Variants in FOLR1 observed in about 807,000 individuals in gnomAD.
FOLR1 encodes KB cells FBP.
A neutral mutation model predicts 22.8 loss-of-function variants in FOLR1; 11 were observed. The ratio of observed to expected loss-of-function variants is 0.48; its 90% CI spans 0.30 to 0.80. FOLR1 has a LOEUF of 0.80. Ranked by LOEUF, FOLR1 falls within the 30% of genes least tolerant of loss-of-function variation. The probability of loss-of-function intolerance (pLI) is 0.06; values close to 1 mark genes in which losing one functional copy is unlikely to be tolerated. For missense variants in FOLR1, 273 were observed against 320.3 expected (o/e 0.85, Z 1.13); for synonymous variants, 108 against 116.5 (o/e 0.93, Z 0.47).
At position 72,195,748 on chromosome 11, in the gene FOLR1, G is replaced by A; in HGVS notation, c.493+1G>A. 6.2e-7 allele frequency: 1 copy of A among 1,614,228 alleles called. No homozygotes were observed. Among genetic ancestry groups the A allele is most frequent in the Non-Finnish European group, 8.5e-7 (1 of 1,180,036 alleles). On this transcript the variant is annotated splice_donor_variant, in intron 3 of 3. Coordinates refer to ENST00000393676, the MANE Select transcript of FOLR1 (RefSeq NM_016729.3). LOFTEE classifies it high-confidence loss of function. ...CACAAGGGCTGGAACTGGACTTCAG[G>A]TGAGGGCTGGGGTGGGCAGGAATGG...
rs1479805229 is a variant in FOLR1 at position 72,196,131 on chromosome 11, C to T, written c.728C>T (p.Pro243Leu). Residue 243 changes from proline (P) to leucine (L), a missense_variant, in exon 4 of 4, where the codon CCT becomes CTT. Transcript: ENST00000393676. ...MSGAGPWAAW[P>L]FLLSLALMLL... ...GGGGCTGGGCCCTGGGCAGCCTGGC[C>T]TTTCCTGCTTAGCCTGGCCCTAATG... 4 of 1,614,206 alleles carry T rather than the reference C, an allele frequency of 2.5e-6. No homozygotes were observed. Among genetic ancestry groups the T allele is most frequent in the Non-Finnish European group, 3.4e-6 (4 of 1,180,040 alleles).
At chr11:72,191,966 A>G, upstream of FOLR1, 1 of 586,580 alleles carries the variant, frequency 1.7e-6, no homozygotes, top group Non-Finnish European at 3.0e-6. Context: ...GACCACCTGG[A>G]GAAGGCAATG....
intron 1 of FOLR1, among the ~76,000 whole-genome samples, chr11:72,194,003 C>T (rs1293316243): frequency 2.0e-5 from 3 of 151,832 alleles, no homozygotes; most frequent in Non-Finnish European, 4.4e-5. Flanking sequence ...AGGCTGGTCT[C>T]CATTCTTGAC....
chr11:72,191,791 A>G (rs533625128), upstream of FOLR1, among the ~76,000 whole-genome samples: 2 of 152,368 alleles, frequency 1.3e-5, no homozygotes, highest in African/African-American at 4.8e-5. Flanking sequence ...ACACTTGATT[A>G]TTGGGTATAT....
chr11:72,190,011 G>A (rs1591242236), upstream of FOLR1, among the ~76,000 whole-genome samples: 3 of 151,928 alleles, frequency 2.0e-5, no homozygotes, highest in East Asian at 5.8e-4. Context: ...TTCTAGTCTG[G>A]GGCCCCAAGG....
chr11:72,195,530 C>T (rs1948217538), intron 2 of FOLR1, 71 bp downstream of exon 2: 5 of 1,612,452 alleles, frequency 3.1e-6, no homozygotes, highest in Non-Finnish European at 1.7e-6. Context: ...CTGCAGGCTG[C>T]AACCCCAGCT....
At chr11:72,195,846 C>G (rs1432251715) in intron 3 of FOLR1, 51 bp from the exon 4 acceptor site, 5 of 1,613,948 alleles carry the variant, frequency 3.1e-6, no homozygotes, top group Non-Finnish European at 4.2e-6. Context: ...GCTGGCAGAC[C>G]TCAAGATAGT....
chr11:72,195,826 G>A, intron 3 of FOLR1, 71 bp from the exon 4 acceptor site: 1 of 1,614,052 alleles, frequency 6.2e-7, no homozygotes, highest in Non-Finnish European at 8.5e-7. Context: ...TGACAATTTG[G>A]AGTTGTAGGG....
rs1425884641 is a variant in FOLR1 at position 72,192,375 on chromosome 11, C to T, written c.168+34C>T. The T allele has an allele frequency of 1.9e-6, 3 of 1,611,866 alleles. No homozygotes were observed. In the Admixed American group the frequency reaches 5.0e-5, roughly 27 times the overall value. ...GGGGGTGATCTGGGGTGGTGAGGGA[C>T]TGGCTCAGGAAGAGGAAACGAGGAC... On this transcript the variant is annotated intron_variant, in intron 1 of 3. Coordinates refer to ENST00000393676, the MANE Select transcript of FOLR1 (RefSeq NM_016729.3).
At chr11:72,192,485 C>A in intron 1 of FOLR1, 144 bp downstream of exon 1, 1 of 797,468 alleles carries the variant, frequency 1.3e-6, no homozygotes, top group South Asian at 1.7e-5. Context: ...ATTTCACAGA[C>A]ACTGTGCCAA....
At position 72,195,399 on chromosome 11, in the gene FOLR1, T is replaced by C. The variant is rs1268187037; in HGVS notation, c.297T>C (p.His99=). 1 of 1,614,202 alleles carries C rather than the reference T, an allele frequency of 6.2e-7. No individual in the cohort carries two copies. Among genetic ancestry groups the C allele is most frequent in the Admixed American group, 1.7e-5 (1 of 60,020 alleles). The part of the protein sequence containing the change: ...CGEMAPACKR[H]FIQDTCLYEC... ...AGATGGCACCTGCCTGCAAACGGCA[T>C]TTCATCCAGGACACCTGCCTCTACG... The change falls in exon 2 of 4, where the codon CAT becomes CAC. Residue 99 remains histidine (H), a synonymous_variant. Coordinates refer to ENST00000393676, the MANE Select transcript of FOLR1 (RefSeq NM_016729.3).
At chr11:72,190,475 C>T (rs894246079), upstream of FOLR1, 4 of 152,210 alleles carry the variant, frequency 2.6e-5, no homozygotes, top group African/African-American at 9.7e-5. Flanking sequence ...TAGTTTGCTT[C>T]TCTTTCCCCC....
upstream of FOLR1, among the ~76,000 whole-genome samples, chr11:72,191,436 C>A (rs373265593): frequency 6.6e-6 from 1 of 151,780 alleles, no homozygotes; most frequent in Non-Finnish European, 1.5e-5. Flanking sequence ...AATCTTGGCT[C>A]ACTGTAACCT....
upstream of FOLR1, among the ~76,000 whole-genome samples, chr11:72,190,014 C>T (rs1483845250): frequency 6.6e-6 from 1 of 152,164 alleles, no homozygotes. Flanking sequence ...TAGTCTGGGG[C>T]CCCAAGGTTG....
chr11:72,195,704 C>T lies in FOLR1; in HGVS notation c.450C>T (p.Tyr150=), dbSNP rs1193666594. 3 of 1,614,214 alleles carry T rather than the reference C, an allele frequency of 1.9e-6. No homozygotes were observed. Among genetic ancestry groups the T allele is most frequent in the South Asian group, 1.1e-5 (1 of 91,086 alleles). ...EQWWEDCRTS[Y]TCKSNWHKGW... is the part of the protein sequence containing the mutation. ...GGTGGGAAGATTGTCGCACCTCCTA[C>T]ACCTGCAAGAGCAACTGGCACAAGG... The change falls in exon 3 of 4, where the codon TAC becomes TAT. Residue 150 remains tyrosine, a synonymous_variant. Coordinates refer to ENST00000393676, the MANE Select transcript of FOLR1 (RefSeq NM_016729.3).
intron 1 of FOLR1, 76 bp from the exon 2 acceptor site, chr11:72,195,195 G>A: frequency 7.3e-7 from 1 of 1,369,192 alleles, no homozygotes; most frequent in Non-Finnish European, 1.0e-6. Context: ...TAAGAGGGGA[G>A]ACACTGCATG....
At chr11:72,191,331 A>C (rs1256673669), upstream of FOLR1, among the ~76,000 whole-genome samples, 10 of 151,094 alleles carry the variant, frequency 6.6e-5, no homozygotes, top group Admixed American at 6.6e-4. Context: ...CAAAAACCAC[A>C]CTGCAGCCCC....
upstream of FOLR1, chr11:72,191,927 A>G: frequency 1.9e-6 from 1 of 523,054 alleles, no homozygotes; most frequent in Non-Finnish European, 3.5e-6. Context: ...GCCCAAATCC[A>G]TCCTTGAATT....
upstream of FOLR1, chr11:72,192,076 G>A (rs569897130): frequency 2.0e-5 from 28 of 1,413,472 alleles, no homozygotes; most frequent in East Asian, 4.6e-5. Context: ...CCAGGCTTCC[G>A]TCCAGGCCCC....
Sources: gnomAD v4.1 joint callset for allele counts (sites outside exome capture counted in the v4.1 genomes callset) on GRCh38, gnomAD v4.1.1 for gene constraint, MANE v1.5 for transcripts, NCBI Gene and HGNC (gene_info 2026-07-23, HGNC 2026-07-21) for gene names.